FBN2: variants seen among roughly 807,000 people sequenced by gnomAD.
The protein encoded by FBN2 is fibrillin 2.
In FBN2, 105 loss-of-function variants were observed where a neutral mutation model predicts 355.6. The observed-to-expected ratio is 0.30, with a 90% CI of 0.25 to 0.35. FBN2 has a LOEUF of 0.35. Ranked by LOEUF, FBN2 falls within the 10% of genes least tolerant of loss-of-function variation. The pLI, the probability that FBN2 is intolerant of heterozygous loss-of-function variation, is 1.00. For synonymous variants in FBN2, 1,350 were observed against 1,301.2 expected (o/e 1.04, Z -0.81); for missense variants, 3,280 against 3,758.7 (o/e 0.87, Z 3.33).
intron 48 of FBN2, among the ~76,000 whole-genome samples, chr5:128,298,841 A>C (rs1451625987): frequency 6.6e-6 from 1 of 152,162 alleles, no homozygotes; most frequent in African/African-American, 2.4e-5. Flanking sequence ...TCAGCTCGTC[A>C]AAGTTATTCT....
At chr5:128,460,712 GA>G (rs1316822917) in intron 6 of FBN2, among the ~76,000 whole-genome samples, 1 of 151,946 alleles carries the variant, frequency 6.6e-6, no homozygotes, top group Non-Finnish European at 1.5e-5. Context: ...CACACATCTA[GA>G]ACCATCTGAT....
chr5:128,336,023 C>G lies in FBN2; in HGVS notation c.3689G>C (p.Gly1230Ala), dbSNP rs1047464870. 10 of 1,614,022 alleles carry G rather than the reference C, an allele frequency of 6.2e-6. No homozygotes were observed. Among genetic ancestry groups the G allele is most frequent in the Non-Finnish European group, 7.6e-6 (9 of 1,179,922 alleles). Residue 1230 changes from glycine (G) to alanine (A), a missense_variant, in exon 28 of 65, where the codon GGA becomes GCA. Transcript: ENST00000262464. ...CTGGCGGTCTGGCGTAGCCTGATAT[C>G]CAGGATTGCAAGAGCACTGATAGGT... ...IGTYQCSCNP[G>A]YQATPDRQGC... is the part of the protein sequence containing the mutation.
At chr5:128,465,033 A>C (rs1754671635) in intron 5 of FBN2, 112 bp from the exon 6 acceptor site, 1 of 1,033,800 alleles carries the variant, frequency 9.7e-7, no homozygotes, top group Middle Eastern at 2.0e-4. Flanking sequence ...AAGTGTCCAA[A>C]GACAGAAGGC....
At chr5:128,493,682 A>G (rs1755571780) in intron 5 of FBN2, among the ~76,000 whole-genome samples, 1 of 152,178 alleles carries the variant, frequency 6.6e-6, no homozygotes, top group Non-Finnish European at 1.5e-5. Context: ...TGTAGGAAAA[A>G]ATAAACTCTG....
intron 11 of FBN2, among the ~76,000 whole-genome samples, chr5:128,390,762 T>C (rs1166725044): frequency 1.3e-5 from 2 of 152,220 alleles, no homozygotes; most frequent in Admixed American, 6.5e-5. Context: ...TTCAGAGTTA[T>C]TAATCTGGCA....
At chr5:128,287,225 T>C in intron 54 of FBN2, 83 bp downstream of exon 54, 9 of 1,477,014 alleles carry the variant, frequency 6.1e-6, no homozygotes, top group Non-Finnish European at 8.5e-6. Context: ...CTAGAAGAAA[T>C]TAGTTGAGAA....
Position 128,312,743 on chromosome 5 carries a change from A to C in FBN2, c.4770T>G (p.Ser1590Arg), listed in dbSNP as rs1295579995. 2 of 1,612,624 alleles carry C rather than the reference A, an allele frequency of 1.2e-6. No homozygotes were observed. Among genetic ancestry groups the C allele is most frequent in the Non-Finnish European group, 1.7e-6 (2 of 1,179,670 alleles). The change falls in exon 37 of 65, where the codon AGT (serine) becomes AGG (arginine). Residue 1590 changes from serine (S) to arginine (R), a missense_variant. By Grantham distance (110) the Ser-to-Arg change is moderately radical (BLOSUM62 -1). Transcript: ENST00000262464. ...YLKFGPRGDG[S>R]LSCNTEIGVG... Reference sequence around the variant, plus strand: ...CCCCGATCTCGGTGTTGCAAGACAGACTCCCATCTCCTCGAGGTCCAAACT... The same window carrying C: ...CCCCGATCTCGGTGTTGCAAGACAGCCTCCCATCTCCTCGAGGTCCAAACT...
Position 128,536,427 on chromosome 5 carries a change from G to A in FBN2, c.312C>T (p.Leu104=). 1 of 1,614,074 alleles carries A rather than the reference G, an allele frequency of 6.2e-7. No individual in the cohort carries two copies. Among genetic ancestry groups the A allele is most frequent in the East Asian group, 2.2e-5 (1 of 44,878 alleles). ...HSYCCPGWKT[L]PGGNQCIVPI... ...GGACAATGCACTGGTTTCCTCCAGG[G>A]AGCGTCTTCCATCCAGGGCAGCAGT... Residue 104 remains leucine, a synonymous_variant, in exon 2 of 65, where the codon CTC becomes CTT. Transcript: ENST00000262464.
rs780191346 is a variant in FBN2 at position 128,312,734 on chromosome 5, G to A, written c.4779C>T (p.Cys1593=). ...TGACGCCCACCCCGATCTCGGTGTT[G>A]CAAGACAGACTCCCATCTCCTCGAG... ...FGPRGDGSLS[C]NTEIGVGVSR... is the part of the protein sequence containing the mutation. The change falls in exon 37 of 65, where the codon TGC becomes TGT. Residue 1593 remains cysteine, a synonymous_variant. Transcript: ENST00000262464. 2.5e-5 allele frequency: 41 copies of A among 1,613,858 alleles called. No homozygotes were observed. Among genetic ancestry groups the A allele is most frequent in the Non-Finnish European group, 3.5e-5 (41 of 1,179,982 alleles).
intron 5 of FBN2, among the ~76,000 whole-genome samples, chr5:128,478,272 A>T (rs986290118): frequency 6.6e-6 from 1 of 152,224 alleles, no homozygotes; most frequent in Non-Finnish European, 1.5e-5. Context: ...TGGAAGGTAA[A>T]CTCTAATTGT....
At chr5:128,500,431 T>TC in intron 5 of FBN2, among the ~76,000 whole-genome samples, 1 of 46,366 alleles carries the variant, frequency 2.2e-5, no homozygotes, top group Admixed American at 1.6e-4. Flanking sequence ...CTGACAATTC[T>TC]TTTTTTTTTT....
chr5:128,460,146 T>A (rs182946903), intron 6 of FBN2, among the ~76,000 whole-genome samples: 1 of 152,058 alleles, frequency 6.6e-6, no homozygotes, highest in Non-Finnish European at 1.5e-5. Flanking sequence ...GCAAAAATCA[T>A]AAGCATTCCT....
intron 7 of FBN2, among the ~76,000 whole-genome samples, chr5:128,442,622 G>T (rs946666702): frequency 5.3e-5 from 8 of 152,098 alleles, no homozygotes; most frequent in Non-Finnish European, 8.8e-5. Flanking sequence ...AATTAGATTT[G>T]GGAACCAAAC....
At chr5:128,348,301 C>T (rs1483704208) in intron 23 of FBN2, among the ~76,000 whole-genome samples, 2 of 151,824 alleles carry the variant, frequency 1.3e-5, no homozygotes, top group African/African-American at 4.8e-5. Flanking sequence ...ATACTTATTT[C>T]TAAACATTGT....
At chr5:128,450,355 A>G (rs1191942364) in intron 6 of FBN2, among the ~76,000 whole-genome samples, 1 of 152,166 alleles carries the variant, frequency 6.6e-6, no homozygotes, top group Non-Finnish European at 1.5e-5. Context: ...AACACAACAG[A>G]GTTAAACTAG....
At chr5:128,320,241 G>C (rs997486551) in intron 34 of FBN2, among the ~76,000 whole-genome samples, 3 of 150,292 alleles carry the variant, frequency 2.0e-5, no homozygotes, top group African/African-American at 7.3e-5. Context: ...TTTTCAGACA[G>C]GTTCTTGCTC....
chr5:128,323,072 G>T (rs1750431274), intron 34 of FBN2, among the ~76,000 whole-genome samples: 1 of 151,194 alleles, frequency 6.6e-6, no homozygotes, highest in Admixed American at 6.6e-5. Context: ...GCTATTATTG[G>T]TGTATAGGAA....
intron 7 of FBN2, among the ~76,000 whole-genome samples, chr5:128,433,811 T>G (rs1753693798): frequency 1.3e-5 from 2 of 152,196 alleles, no homozygotes; most frequent in African/African-American, 4.8e-5. Flanking sequence ...ATACCTCAGA[T>G]AGTTTTATAA....
intron 5 of FBN2, among the ~76,000 whole-genome samples, chr5:128,491,977 T>C (rs1180562599): frequency 6.6e-6 from 1 of 152,198 alleles, no homozygotes. Context: ...CTTTAATTAT[T>C]ATGCTATAAT....
Sources: allele counts gnomAD v4.1 joint callset (sites outside exome capture counted in the v4.1 genomes callset), GRCh38; gene constraint gnomAD v4.1.1; transcripts MANE v1.5; gene names NCBI Gene and HGNC (gene_info 2026-07-23, HGNC 2026-07-21).